The following VWA3B variants were observed in gnomAD, a reference collection of about 807,000 sequenced individuals.
The protein encoded by VWA3B is von Willebrand factor A domain containing 3B, also known as von Willebrand factor A domain-containing protein 3B.
VWA3B carries 138 observed loss-of-function variants against 158.3 expected under a neutral mutation model. The ratio of observed to expected loss-of-function variants is 0.87; its 90% confidence interval spans 0.76 to 1.00. The LOEUF is 1.00. Among genes scored for constraint, VWA3B ranks in the 50% least tolerant of loss-of-function variants. The pLI, the probability that VWA3B is intolerant of heterozygous loss-of-function variation, is 0.00. For synonymous variants in VWA3B, 596 were observed against 587.3 expected (o/e 1.01, Z -0.21); for missense variants, 1,555 against 1,565.1 (o/e 0.99, Z 0.11).
intron 19 of VWA3B, among the ~76,000 whole-genome samples, chr2:98,239,794 G>C (rs1358608566): frequency 6.6e-6 from 1 of 151,706 alleles, no homozygotes; most frequent in African/African-American, 2.4e-5. Flanking sequence ...TGTGCCTGTA[G>C]TCGCAGCTAC....
intron 13 of VWA3B, among the ~76,000 whole-genome samples, chr2:98,217,250 C>G (rs1313370842): frequency 2.0e-5 from 3 of 152,170 alleles, no homozygotes; most frequent in African/African-American, 7.2e-5. Flanking sequence ...ACTGACTAAC[C>G]GTACCCCTTT....
chr2:98,272,788 C>A (rs1688283882), intron 22 of VWA3B, among the ~76,000 whole-genome samples: 1 of 152,080 alleles, frequency 6.6e-6, no homozygotes, highest in African/African-American at 2.4e-5. Context: ...TGCCATAATA[C>A]CACAAGCTGG....
At chr2:98,281,048 C>A (rs1688849005) in intron 22 of VWA3B, among the ~76,000 whole-genome samples, 1 of 152,232 alleles carries the variant, frequency 6.6e-6, no homozygotes, top group Non-Finnish European at 1.5e-5. Context: ...GGGCCACTCG[C>A]TCCCCGCCCC....
chr2:98,303,752 G>T lies in VWA3B; in HGVS notation c.3471G>T (p.Ala1157=), dbSNP rs146673560. 1.1e-5 allele frequency: 17 copies of T among 1,613,972 alleles called. No homozygotes were observed. The highest frequency in any genetic ancestry group is 1.7e-5 in the Admixed American group (1 of 59,998). The change falls in exon 26 of 28, where the codon GCG becomes GCT. Residue 1157 remains alanine (A), a synonymous_variant. Coordinates refer to ENST00000477737, the MANE Select transcript of VWA3B (RefSeq NM_144992.5). ...ALIKISQNKY[A]LSCSHIKSPP... ...TTAAGATCAGCCAAAACAAGTATGC[G>T]CTCTCTTGCTCTCATATAAAGTCAC...
At chr2:98,256,199 C>CTTT (rs113487988) in intron 21 of VWA3B, 25 bp downstream of exon 21, 727 of 1,410,918 alleles carry the variant, frequency 5.2e-4, no homozygotes, top group Middle Eastern at 1.5e-3. Flanking sequence ...TCCCTCCTCA[C>CTTT]TTTTTTTTTT....
chr2:98,138,814 G>A (rs1676490171), intron 7 of VWA3B, among the ~76,000 whole-genome samples: 1 of 152,198 alleles, frequency 6.6e-6, no homozygotes, highest in Admixed American at 6.5e-5. Context: ...TACTTCCAGG[G>A]ATGACTGTGA....
At chr2:98,248,930 T>C (rs1686618221) in intron 19 of VWA3B, among the ~76,000 whole-genome samples, 1 of 150,994 alleles carries the variant, frequency 6.6e-6, no homozygotes, top group Non-Finnish European at 1.5e-5. Context: ...CTTCCTTCCT[T>C]CCCTCTTTGT....
At position 98,181,089 on chromosome 2, in the gene VWA3B, A is replaced by G. The variant is rs1306037953; in HGVS notation, c.1188A>G (p.Lys396=). 2 of 1,614,122 alleles carry G rather than the reference A, an allele frequency of 1.2e-6. No homozygotes were observed. Among genetic ancestry groups the G allele is most frequent in the African/African-American group, 2.7e-5 (2 of 74,950 alleles). The change falls in exon 9 of 28, where the codon AAA becomes AAG. Residue 396 remains lysine (K), a synonymous_variant. Transcript: ENST00000477737. ...GGGACTCTAAGACATGGCTGCAGAA[A>G]TATGGCTTGAAGGCCCAGAAGCTAT... is the stretch of plus-strand genomic sequence containing the variant. The part of the protein sequence containing the change: ...DTWDSKTWLQ[K]YGLKAQKLSL...
At chr2:98,303,467 G>T (rs1287102016) in intron 25 of VWA3B, among the ~76,000 whole-genome samples, 1 of 149,118 alleles carries the variant, frequency 6.7e-6, no homozygotes, top group Non-Finnish European at 1.5e-5. Context: ...TCTTACGTGG[G>T]TACATTTGGC....
chr2:98,289,162 A>G (rs1229945272), intron 22 of VWA3B, among the ~76,000 whole-genome samples: 2 of 151,718 alleles, frequency 1.3e-5, no homozygotes, highest in East Asian at 3.8e-4. Flanking sequence ...TCAGTATGTA[A>G]AATTACGTTA....
Position 98,270,799 on chromosome 2 carries a change from C to G in VWA3B, c.2961C>G (p.Ile987Met). 6.2e-7 allele frequency: 1 copy of G among 1,614,076 alleles called. No individual in the cohort carries two copies. Among genetic ancestry groups the G allele is most frequent in the African/African-American group, 1.3e-5 (1 of 75,006 alleles). Residue 987 changes from isoleucine (I) to methionine (M), a missense_variant, in exon 22 of 28, where the codon ATC (isoleucine) becomes ATG (methionine). Ile to Met is a conservative substitution (Grantham distance 10). Transcript: ENST00000477737. ...LKELSMLESEILAGKMYIQQA... is the reference protein window; with the variant it reads ...LKELSMLESEMLAGKMYIQQA... ...AGCTGTCGATGCTGGAAAGTGAAAT[C>G]CTAGCTGGGAAAATGTACATCCAGC... is the stretch of plus-strand genomic sequence containing the variant.
Position 98,290,420 on chromosome 2 carries a change from C to T in VWA3B, c.3046-91C>T, listed in dbSNP as rs10210855. The T allele has an allele frequency of 4.0e-4, 402 of 993,316 alleles. 1 individual carries two copies. In the African/African-American group the frequency reaches 6.2e-3, roughly 15 times the overall value. 61.5% of individuals were successfully genotyped at this position (993,316 alleles called of 1,614,324 possible). On this transcript the variant is annotated intron_variant, in intron 22 of 27. Transcript: ENST00000477737. ...TGAGATTTGGATGGGGACACAGAGC[C>T]AAACCATATCACTAGGCTACCCAGT...
intron 23 of VWA3B, 76 bp downstream of exon 23, chr2:98,290,698 G>C: frequency 1.9e-6 from 2 of 1,032,914 alleles, no homozygotes; most frequent in Non-Finnish European, 2.9e-6. Flanking sequence ...TTCAACCTGT[G>C]CTTTTGCTAG....
intron 12 of VWA3B, chr2:98,207,092 C>T (rs1683085998): frequency 3.8e-6 from 2 of 521,118 alleles, no homozygotes; most frequent in Non-Finnish European, 7.7e-6. Context: ...CATGCTGGCT[C>T]AAGGGTGTCT....
intron 19 of VWA3B, 106 bp from the exon 20 acceptor site, chr2:98,250,212 C>T: frequency 1.3e-6 from 1 of 766,424 alleles, no homozygotes; most frequent in Non-Finnish European, 2.1e-6. Flanking sequence ...TGTATATTGA[C>T]TTTATAGTCA....
At chr2:98,300,862 G>T (rs1487795570) in intron 25 of VWA3B, among the ~76,000 whole-genome samples, 2 of 152,064 alleles carry the variant, frequency 1.3e-5, no homozygotes, top group East Asian at 1.9e-4. Flanking sequence ...CCCCTGTATT[G>T]GGGTGCTACT....
At chr2:98,120,478 G>A (rs1458932364) in intron 4 of VWA3B, among the ~76,000 whole-genome samples, 1 of 152,156 alleles carries the variant, frequency 6.6e-6, no homozygotes, top group Non-Finnish European at 1.5e-5. Flanking sequence ...TGTCACAGGT[G>A]TATTACTGAA....
At chr2:98,257,165 CT>C (rs1553430044) in intron 21 of VWA3B, among the ~76,000 whole-genome samples, 1 of 151,848 alleles carries the variant, frequency 6.6e-6, no homozygotes, top group Non-Finnish European at 1.5e-5. Flanking sequence ...ATAAGATCAA[CT>C]TTTTTTTGTT....
chr2:98,104,716 T>C (rs558815482), intron 2 of VWA3B, among the ~76,000 whole-genome samples: 1 of 152,368 alleles, frequency 6.6e-6, no homozygotes, highest in African/African-American at 2.4e-5. Flanking sequence ...GTCCAATCTT[T>C]TTCTTTCATC....
Sources: allele counts gnomAD v4.1 joint callset (sites outside exome capture counted in the v4.1 genomes callset), GRCh38; gene constraint gnomAD v4.1.1; transcripts MANE v1.5; gene names NCBI Gene and HGNC (gene_info 2026-07-23, HGNC 2026-07-21).